NUP93: variants seen among roughly 807,000 people sequenced by gnomAD.
The protein encoded by NUP93 is nuclear pore complex protein Nup93.
In NUP93, 55 loss-of-function variants were observed where a neutral mutation model predicts 107.8. The ratio of observed to expected loss-of-function variants is 0.51; its 90% CI spans 0.41 to 0.64. The LOEUF (loss-of-function observed/expected upper bound fraction) is 0.64. NUP93 is among the 30% of genes least tolerant of loss of function. The pLI is 0.00. For missense variants in NUP93, 937 were observed against 1,044.7 expected, an observed-to-expected ratio of 0.90 and a Z score of 1.42; for synonymous variants, 390 against 397.5, an observed-to-expected ratio of 0.98 and a Z score of 0.22.
At chr16:56,751,328 A>G (rs1340899070) in intron 2 of NUP93, among the ~76,000 whole-genome samples, 1 of 152,244 alleles carries the variant, frequency 6.6e-6, no homozygotes, top group East Asian at 1.9e-4. Flanking sequence ...ACAGCAGATT[A>G]TAACTCTCCT....
At chr16:56,765,365 G>C (rs1262840666) in intron 3 of NUP93, among the ~76,000 whole-genome samples, 1 of 152,154 alleles carries the variant, frequency 6.6e-6, no homozygotes, top group Admixed American at 6.5e-5. Flanking sequence ...TGAGTTTTTA[G>C]AGGGATTTAA....
chr16:56,797,839 C>CT (rs1962934247), intron 3 of NUP93, among the ~76,000 whole-genome samples: 2 of 152,192 alleles, frequency 1.3e-5, no homozygotes, highest in African/African-American at 4.8e-5. Context: ...CAAAGCCTAT[C>CT]CTTTTGGCCA....
At chr16:56,796,688 C>G (rs1333369578) in intron 3 of NUP93, among the ~76,000 whole-genome samples, 2 of 152,102 alleles carry the variant, frequency 1.3e-5, no homozygotes, top group African/African-American at 4.8e-5. Flanking sequence ...CTTTAAAAAG[C>G]AAAAACACAG....
chr16:56,777,994 C>T (rs192142187), intron 3 of NUP93, among the ~76,000 whole-genome samples: 109 of 152,232 alleles, frequency 7.2e-4, no homozygotes, highest in Middle Eastern at 3.4e-3. Flanking sequence ...GGAGATAATT[C>T]GAATAAATAC....
chr16:56,792,905 G>A (rs111637747), intron 3 of NUP93, among the ~76,000 whole-genome samples: 24 of 152,196 alleles, frequency 1.6e-4, no homozygotes, highest in African/African-American at 4.8e-4. Flanking sequence ...CTTGAGAGCC[G>A]GAACTATGTT....
At chr16:56,832,719 C>T (rs1188572294) in intron 12 of NUP93, among the ~76,000 whole-genome samples, 1 of 152,146 alleles carries the variant, frequency 6.6e-6, no homozygotes, top group Non-Finnish European at 1.5e-5. Flanking sequence ...GATCTGAGCA[C>T]AAAGGAGAGA....
chr16:56,821,646 C>A, intron 7 of NUP93, 53 bp downstream of exon 7: 1 of 1,183,548 alleles, frequency 8.4e-7, no homozygotes, highest in Non-Finnish European at 1.2e-6. Context: ...TTCCGATGGG[C>A]CTAGCAACTT....
At chr16:56,760,678 C>T (rs80343639) in intron 3 of NUP93, among the ~76,000 whole-genome samples, 2 of 152,150 alleles carry the variant, frequency 1.3e-5, no homozygotes, top group African/African-American at 4.8e-5. Context: ...GAAATCTGCT[C>T]TCATGATCCA....
At chr16:56,812,405 G>A (rs989304252) in intron 5 of NUP93, among the ~76,000 whole-genome samples, 3 of 151,772 alleles carry the variant, frequency 2.0e-5, no homozygotes, top group Non-Finnish European at 4.4e-5. Context: ...GTGCAGTGGC[G>A]CGATCTTGGG....
At position 56,834,720 on chromosome 16, in the gene NUP93, T is replaced by C. The variant is rs748484913; in HGVS notation, c.1738-14T>C. ...TTTGTCCAATAATTTGAGTAAACTT[T>C]TTTCCTTCCACAGTTCGATATGATT... On this transcript the variant is annotated splice_polypyrimidine_tract_variant and intron_variant, in intron 15 of 21. Transcript: ENST00000308159. 4 of 1,608,856 alleles carry C rather than the reference T, an allele frequency of 2.5e-6. No individual in the cohort carries two copies. Among genetic ancestry groups the C allele is most frequent in the South Asian group, 2.2e-5 (2 of 90,308 alleles).
At chr16:56,746,409 C>A (rs1316902292) in intron 1 of NUP93, among the ~76,000 whole-genome samples, 8 of 152,116 alleles carry the variant, frequency 5.3e-5, no homozygotes, top group Admixed American at 2.0e-4. Flanking sequence ...ATAAAGATTG[C>A]GAATTACAGC....
chr16:56,754,378 A>C (rs1353228317), intron 2 of NUP93, among the ~76,000 whole-genome samples: 1 of 152,194 alleles, frequency 6.6e-6, no homozygotes, highest in Non-Finnish European at 1.5e-5. Flanking sequence ...CATGGCTTCC[A>C]AACAGACCCC....
At chr16:56,798,660 G>T (rs897791647) in intron 4 of NUP93, 122 bp downstream of exon 4, 7 of 790,248 alleles carry the variant, frequency 8.9e-6, no homozygotes, top group African/African-American at 1.7e-5. Context: ...TTGAGCCCAG[G>T]AATTCAAGAT....
Position 56,823,849 on chromosome 16 carries a change from A to G in NUP93, c.794+3A>G. 6.2e-7 allele frequency: 1 copy of G among 1,613,438 alleles called. No homozygotes were observed. The highest frequency in any genetic ancestry group is 8.5e-7 in the Non-Finnish European group (1 of 1,179,848). ...GCCTTGGCGTACCTTGAGCAGAGGT[A>G]AGGCAGCAGTAGCACAGTGGGGCTG... is the stretch of plus-strand genomic sequence containing the variant. On this transcript the variant is annotated splice_donor_region_variant and intron_variant, in intron 8 of 21. Transcript: ENST00000308159.
At position 56,804,757 on chromosome 16, in the gene NUP93, TTAGC is replaced by T. The variant is rs1222136002; in HGVS notation, c.361-743_361-740del. ...AACCCCGTCTCTAGTAAAAATATAA[TTAGC>T]TAGGCGTGGTGGTGGGCGCCTGTAA... On this transcript the variant is annotated intron_variant, in intron 4 of 21. Transcript: ENST00000308159. Among the ~76,000 whole-genome samples the T allele has an allele frequency of 1.4e-4, 21 of 151,872 alleles. 1 individual carries two copies. In the East Asian group the frequency reaches 3.9e-3, roughly 28 times the overall value.
intron 6 of NUP93, among the ~76,000 whole-genome samples, chr16:56,820,460 C>T (rs1185309170): frequency 6.6e-6 from 1 of 152,180 alleles, no homozygotes; most frequent in Non-Finnish European, 1.5e-5. Flanking sequence ...GGATTATAGG[C>T]ATGCACCACC....
chr16:56,788,507 T>C (rs1962678865), intron 3 of NUP93, among the ~76,000 whole-genome samples: 1 of 152,216 alleles, frequency 6.6e-6, no homozygotes, highest in Non-Finnish European at 1.5e-5. Context: ...CATTTATCAT[T>C]TTATTCATTT....
intron 4 of NUP93, among the ~76,000 whole-genome samples, chr16:56,803,095 C>T (rs993113642): frequency 6.6e-6 from 1 of 152,084 alleles, no homozygotes; most frequent in African/African-American, 2.4e-5. Flanking sequence ...AGTTTAATCC[C>T]AGAGGGCTCT....
intron 3 of NUP93, among the ~76,000 whole-genome samples, chr16:56,774,903 G>GTTTTTGT (rs1962385224): frequency 7.2e-6 from 1 of 138,392 alleles, no homozygotes; most frequent in African/African-American, 2.7e-5. Flanking sequence ...TTTTGTTTTT[G>GTTTTTGT]TTTTTTTTTT....
Sources: allele counts gnomAD v4.1 joint callset (sites outside exome capture counted in the v4.1 genomes callset), GRCh38; gene constraint gnomAD v4.1.1; transcripts MANE v1.5; gene names NCBI Gene and HGNC (gene_info 2026-07-23, HGNC 2026-07-21).